FLT4: variants seen among roughly 807,000 people sequenced by gnomAD.
FLT4 encodes fms related receptor tyrosine kinase 4, also known as vascular endothelial growth factor receptor 3.
FLT4 carries 30 observed loss-of-function variants against 163.2 expected under a neutral mutation model. That is an observed-to-expected ratio of 0.18 (90% CI 0.14 to 0.25). The LOEUF (loss-of-function observed/expected upper bound fraction) is 0.25. Ranked by LOEUF, FLT4 falls within the 10% of genes least tolerant of loss-of-function variation. The pLI is 1.00. For missense variants in FLT4, 1,510 were observed against 1,863.8 expected, an observed-to-expected ratio of 0.81 and a Z score of 3.50; for synonymous variants, 884 against 789.5, an observed-to-expected ratio of 1.12 and a Z score of -2.01.
chr5:180,626,350 G>A (rs2127828544), intron 8 of FLT4, 85 bp from the exon 9 acceptor site: 1 of 1,462,818 alleles, frequency 6.8e-7, no homozygotes, highest in Non-Finnish European at 9.5e-7. Flanking sequence ...AAATACAGTT[G>A]GGAGGAGGGA....
intron 8 of FLT4, 29 bp from the exon 9 acceptor site, chr5:180,626,294 T>C: frequency 1.9e-6 from 3 of 1,608,644 alleles, no homozygotes; most frequent in Non-Finnish European, 8.5e-7. Flanking sequence ...TCAGGGCCCA[T>C]ACAGATCCCA....
intron 1 of FLT4, among the ~76,000 whole-genome samples, chr5:180,642,768 C>T (rs1214991286): frequency 2.6e-5 from 4 of 152,188 alleles, no homozygotes; most frequent in Admixed American, 2.0e-4. Flanking sequence ...ATTCCCAGCG[C>T]TGGAGAGAAT....
chr5:180,603,697 G>T (rs2127782175), intron 29 of FLT4, among the ~76,000 whole-genome samples: 1 of 152,320 alleles, frequency 6.6e-6, no homozygotes, highest in Non-Finnish European at 1.5e-5. Flanking sequence ...GAGGTCAGGA[G>T]ATCGAGACCA....
At chr5:180,622,923 G>GCA in intron 11 of FLT4, 84 bp from the exon 12 acceptor site, 1 of 775,798 alleles carries the variant, frequency 1.3e-6, no homozygotes, top group Non-Finnish European at 2.2e-6. Flanking sequence ...AGGTCGCTGT[G>GCA]CACCACCCCC....
chr5:180,622,315 T>TCTCTCTGCTGGTGCCCTGATCTACATC, intron 12 of FLT4, among the ~76,000 whole-genome samples: 1 of 152,166 alleles, frequency 6.6e-6, no homozygotes, highest in African/African-American at 2.4e-5. Context: ...CTGATCTACA[T>TCTCTCTGCTGGTGCCCTGATCTACATC]TCTGGGACCC....
In FLT4 at chr5:180,619,226, C is replaced by T. The variant is rs749296898; in HGVS notation, c.2761+27G>A. 12 of 1,546,668 alleles carry T rather than the reference C, an allele frequency of 7.8e-6. No individual in the cohort carries two copies. In the South Asian group the frequency reaches 1.1e-4, roughly 14 times the overall value. On this transcript the variant is annotated intron_variant, in intron 19 of 29. Coordinates refer to ENST00000261937, the MANE Select transcript of FLT4 (RefSeq NM_182925.5). ...CGGCGCCCCGCGCCCGGGGTCTCGCCGTCCCAGCGGGCCGCCCGCTCCGTA... is the reference window on the plus strand; with the variant it reads ...CGGCGCCCCGCGCCCGGGGTCTCGCTGTCCCAGCGGGCCGCCCGCTCCGTA...
chr5:180,642,028 GA>G (rs944543214), intron 1 of FLT4, among the ~76,000 whole-genome samples: 5 of 152,240 alleles, frequency 3.3e-5, no homozygotes, highest in Non-Finnish European at 7.4e-5. Context: ...CCAACATGGT[GA>G]AACCCCATCT....
intron 21 of FLT4, 128 bp from the exon 22 acceptor site, chr5:180,617,122 C>T (rs575758714): frequency 1.4e-6 from 1 of 728,840 alleles, no homozygotes; most frequent in Non-Finnish European, 2.4e-6. Context: ...CACCCACATC[C>T]TACTCCAGAG....
chr5:180,638,314 G>T (rs531930101), intron 1 of FLT4, among the ~76,000 whole-genome samples: 20 of 152,186 alleles, frequency 1.3e-4, no homozygotes, highest in African/African-American at 4.8e-4. Context: ...CCCACCAAAG[G>T]CTCCTCCCTC....
intron 1 of FLT4, among the ~76,000 whole-genome samples, chr5:180,633,621 T>C (rs1404568128): frequency 1.3e-5 from 2 of 152,036 alleles, no homozygotes; most frequent in Non-Finnish European, 2.9e-5. Context: ...GGTGAGGGGC[T>C]AAGAAGGAAT....
Position 180,620,616 on chromosome 5 carries a change from A to G in FLT4, c.2399T>C (p.Met800Thr). 6.2e-7 allele frequency: 1 copy of G among 1,610,208 alleles called. No individual in the cohort carries two copies. The part of the protein sequence containing the change: ...WVLLLLIFCN[M>T]RRPAHADIKT... ...GCGGGGAGGGACACTCACCCTCCTC[A>G]TGTTACAGAAGATGAGGAGGAGGAG... The change falls in exon 16 of 30, where the codon ATG becomes ACG. Residue 800 changes from methionine (M) to threonine (T), a missense_variant. Met to Thr is a moderately conservative substitution (Grantham distance 81). Around this residue, in one of 5 missense-constraint regions of FLT4, gnomAD observed 878 missense variants for 1,016.7 expected, o/e 0.86. Transcript: ENST00000261937. This position sits in a 1 kb window ranked among gnomAD's most constrained non-coding sequence, Gnocchi z 4.4.
chr5:180,650,169 CAA>C (rs397719371), upstream of FLT4, among the ~76,000 whole-genome samples: 37 of 82,274 alleles, frequency 4.5e-4, no homozygotes, highest in Admixed American at 6.9e-4. Flanking sequence ...GTCTGGGAGC[CAA>C]AAAAAAAAAA....
chr5:180,639,412 T>A lies in FLT4; in HGVS notation c.59-7634A>T, dbSNP rs1054995471. Among the ~76,000 whole-genome samples, 76 of 148,984 alleles carry A rather than the reference T, an allele frequency of 5.1e-4. 1 individual carries two copies. Among genetic ancestry groups the A allele is most frequent in the Admixed American group, 4.0e-3 (60 of 14,958 alleles). On this transcript the variant is annotated intron_variant, in intron 1 of 29. Transcript: ENST00000261937. The stretch of plus-strand genomic sequence containing the variant: ...ATGGATGGATGGACGGATGGATGAG[T>A]GGATAAAAAGATGGATCAACAGATG...
At chr5:180,648,543 C>T (rs1438817396) in intron 1 of FLT4, among the ~76,000 whole-genome samples, 1 of 152,202 alleles carries the variant, frequency 6.6e-6, no homozygotes, top group Non-Finnish European at 1.5e-5. Flanking sequence ...CACTGGAACC[C>T]CTGACCCCGC....
rs964840674 is a variant in FLT4, at chr5:180,636,893, C to A, written c.59-5115G>T. On this transcript the variant is annotated intron_variant, in intron 1 of 29. Transcript: ENST00000261937. This position sits in a 1 kb window ranked among gnomAD's most constrained non-coding sequence, Gnocchi z 4.3. The stretch of plus-strand genomic sequence containing the variant: ...GCCGCCTCTCTGCATGCTCCCTCCC[C>A]TCTTGTCCTGCATCCCAACCCTGAG... 6.6e-6 allele frequency among the ~76,000 whole-genome samples: 1 copy of A among 152,072 alleles called. No individual in the cohort carries two copies. The highest frequency in any genetic ancestry group is 6.6e-5 in the Admixed American group (1 of 15,264).
intron 1 of FLT4, among the ~76,000 whole-genome samples, chr5:180,632,106 G>T (rs1431439626): frequency 1.3e-5 from 2 of 152,166 alleles, no homozygotes; most frequent in African/African-American, 4.8e-5. Context: ...CGGGGGAGGG[G>T]CGCTGGAGTG....
At chr5:180,634,878 G>A (rs1463420472) in intron 1 of FLT4, among the ~76,000 whole-genome samples, 4 of 20,060 alleles carry the variant, frequency 2.0e-4, no homozygotes, top group Admixed American at 6.3e-4. Context: ...GGGTGGGTGG[G>A]TGGGTGGATG....
intron 1 of FLT4, among the ~76,000 whole-genome samples, chr5:180,632,068 G>A (rs529992893): frequency 1.3e-4 from 20 of 152,220 alleles, no homozygotes; most frequent in Admixed American, 7.8e-4. Flanking sequence ...CTCTGACCCC[G>A]GTGAGCTGAG....
chr5:180,628,849 T>G lies in FLT4; in HGVS notation c.1103+33A>C, dbSNP rs75361132. 0.034 allele frequency: 47,621 copies of G among 1,421,056 alleles called. 4,439 individuals carry two copies. The East Asian group carries it at 0.41, about 12-fold the overall frequency. 88.0% of individuals were successfully genotyped at this position (1,421,056 alleles called of 1,614,324 possible). A position where few individuals can be genotyped will look rare whatever the true frequency, so the allele number is the denominator to read the frequency against. On this transcript the variant is annotated intron_variant, in intron 8 of 29. Transcript: ENST00000261937. Reference sequence around the variant, plus strand: ...TTTTGCCCCTGGACTTGGAAGGGTATCGGCGGGGTCGGTGGGGAGCCAGGG... The same window carrying G: ...TTTTGCCCCTGGACTTGGAAGGGTAGCGGCGGGGTCGGTGGGGAGCCAGGG...
Sources: allele counts gnomAD v4.1 joint callset (sites outside exome capture counted in the v4.1 genomes callset), GRCh38; gene constraint gnomAD v4.1.1; regional missense constraint gnomAD v4.1.1; non-coding constraint Gnocchi (gnomAD v3.1); transcripts MANE v1.5; gene names NCBI Gene and HGNC (gene_info 2026-07-23, HGNC 2026-07-21).